ADGRB3: variants seen among roughly 807,000 people sequenced by gnomAD.
ADGRB3 encodes the protein adhesion G protein-coupled receptor B3, also known as brain-specific angiogenesis inhibitor 3.
In ADGRB3, 37 loss-of-function variants were observed where a neutral mutation model predicts 193.4. That is an observed-to-expected ratio of 0.19 (90% confidence interval 0.15 to 0.25). The LOEUF is 0.25. Among genes scored for constraint, ADGRB3 ranks in the 10% least tolerant of loss-of-function variants. The pLI, the probability that ADGRB3 is intolerant of heterozygous loss-of-function variation, is 1.00. For missense variants in ADGRB3, 1,637 were observed against 1,852.9 expected, an observed-to-expected ratio of 0.88 and a Z score of 2.14; for synonymous variants, 690 against 644.2, an observed-to-expected ratio of 1.07 and a Z score of -1.08.
chr6:69,055,733 C>G (rs558942790), intron 15 of ADGRB3, among the ~76,000 whole-genome samples: 4 of 152,256 alleles, frequency 2.6e-5, no homozygotes, highest in African/African-American at 9.6e-5. Flanking sequence ...ATTTCACATT[C>G]CCACCAACAT....
chr6:68,729,638 T>G (rs1226541890), intron 3 of ADGRB3, among the ~76,000 whole-genome samples: 1 of 151,584 alleles, frequency 6.6e-6, no homozygotes. Context: ...AAGAATCTCT[T>G]TCCCAGGCTA....
At chr6:68,660,218 TA>T (rs1270007309) in intron 3 of ADGRB3, among the ~76,000 whole-genome samples, 3 of 150,002 alleles carry the variant, frequency 2.0e-5, no homozygotes, top group Non-Finnish European at 4.5e-5. Flanking sequence ...ATGTTTAATA[TA>T]TTTTTAGATT....
intron 20 of ADGRB3, among the ~76,000 whole-genome samples, chr6:69,281,461 G>T (rs955576987): frequency 6.6e-6 from 1 of 152,312 alleles, no homozygotes; most frequent in Non-Finnish European, 1.5e-5. Context: ...ATGTAATGCT[G>T]CTCATAGAAA....
chr6:68,891,326 G>A (rs887849014), intron 3 of ADGRB3, among the ~76,000 whole-genome samples: 3 of 152,010 alleles, frequency 2.0e-5, no homozygotes, highest in Admixed American at 2.0e-4. Flanking sequence ...ATATCAAATA[G>A]GGAACAGTAA....
chr6:68,788,124 T>G (rs1767016213), intron 3 of ADGRB3, among the ~76,000 whole-genome samples: 2 of 152,220 alleles, frequency 1.3e-5, no homozygotes, highest in South Asian at 4.1e-4. Context: ...TTCATTAATT[T>G]TTTGAAGGGT....
intron 3 of ADGRB3, among the ~76,000 whole-genome samples, chr6:68,712,677 A>G (rs1765425608): frequency 6.6e-6 from 1 of 151,938 alleles, no homozygotes; most frequent in Non-Finnish European, 1.5e-5. Flanking sequence ...GGTTTGGTAA[A>G]TTATGATCAT....
At chr6:69,378,632 C>G (rs1232754993) in intron 30 of ADGRB3, among the ~76,000 whole-genome samples, 1 of 152,070 alleles carries the variant, frequency 6.6e-6, no homozygotes, top group African/African-American at 2.4e-5. Context: ...TACCCTGCAA[C>G]GTAAGTCTGA....
At chr6:69,258,243 A>G (rs1013318717) in intron 20 of ADGRB3, among the ~76,000 whole-genome samples, 1 of 152,210 alleles carries the variant, frequency 6.6e-6, no homozygotes, top group Non-Finnish European at 1.5e-5. Flanking sequence ...AAGGTACAGG[A>G]TTGAAAATGA....
chr6:69,234,952 G>A, intron 18 of ADGRB3, 80 bp from the exon 19 acceptor site: 1 of 1,103,242 alleles, frequency 9.1e-7, no homozygotes, highest in Non-Finnish European at 1.3e-6. Flanking sequence ...TTGAGTGATA[G>A]GTTAGCTTTG....
intron 20 of ADGRB3, among the ~76,000 whole-genome samples, chr6:69,269,060 T>C (rs944995297): frequency 1.3e-5 from 2 of 152,186 alleles, no homozygotes; most frequent in Non-Finnish European, 2.9e-5. Flanking sequence ...AAGCATTTTA[T>C]ATAAATCATC....
chr6:69,241,185 A>G (rs1339874621), intron 20 of ADGRB3, among the ~76,000 whole-genome samples: 1 of 151,946 alleles, frequency 6.6e-6, no homozygotes, highest in Non-Finnish European at 1.5e-5. Flanking sequence ...GCTCTAAATC[A>G]CTGATGTACA....
chr6:69,290,719 C>G (rs1293653894), intron 20 of ADGRB3, among the ~76,000 whole-genome samples: 1 of 152,096 alleles, frequency 6.6e-6, no homozygotes, highest in Non-Finnish European at 1.5e-5. Context: ...ATACATTTTA[C>G]CCTAGCTAAT....
chr6:69,320,435 A>G (rs1006504197), intron 20 of ADGRB3, among the ~76,000 whole-genome samples: 5 of 151,504 alleles, frequency 3.3e-5, no homozygotes, highest in African/African-American at 9.7e-5. Flanking sequence ...TTTCTTTGCT[A>G]TCCATCAGTT....
At chr6:68,744,527 C>T (rs541057071) in intron 3 of ADGRB3, among the ~76,000 whole-genome samples, 2 of 152,224 alleles carry the variant, frequency 1.3e-5, no homozygotes, top group South Asian at 4.1e-4. Context: ...GAAAATGTGG[C>T]ACACATACAC....
intron 17 of ADGRB3, among the ~76,000 whole-genome samples, chr6:69,206,444 C>T (rs1263821083): frequency 2.0e-5 from 3 of 152,066 alleles, no homozygotes; most frequent in African/African-American, 7.2e-5. Context: ...CAAATTGACA[C>T]TCAGTATTAA....
chr6:69,328,504 A>G (rs1768633155), intron 22 of ADGRB3, among the ~76,000 whole-genome samples: 1 of 152,140 alleles, frequency 6.6e-6, no homozygotes, highest in Admixed American at 6.5e-5. Context: ...GTGCACTTTC[A>G]TGTTTTATTT....
intron 3 of ADGRB3, among the ~76,000 whole-genome samples, chr6:68,735,870 G>T (rs376017707): frequency 1.8e-4 from 27 of 152,230 alleles, no homozygotes; most frequent in East Asian, 1.5e-3. Flanking sequence ...TGGATGAAAA[G>T]ATTTTGCAGT....
At chr6:69,216,140 A>G (rs1332661625) in intron 17 of ADGRB3, among the ~76,000 whole-genome samples, 3 of 152,210 alleles carry the variant, frequency 2.0e-5, no homozygotes, top group East Asian at 3.9e-4. Flanking sequence ...CCAAAATCCT[A>G]GTAATTGCCT....
chr6:68,853,634 AT>A (rs1267172196), intron 3 of ADGRB3, among the ~76,000 whole-genome samples: 14 of 151,332 alleles, frequency 9.3e-5, no homozygotes, highest in African/African-American at 2.4e-4. Context: ...GTGCAACATT[AT>A]TTATCTGCTC....
Sources: allele counts gnomAD v4.1 joint callset (sites outside exome capture counted in the v4.1 genomes callset), GRCh38; gene constraint gnomAD v4.1.1; transcripts MANE v1.5; gene names NCBI Gene and HGNC (gene_info 2026-07-23, HGNC 2026-07-21).